GPR55: variants seen among roughly 807,000 people sequenced by gnomAD.
GPR55 encodes the protein G-protein coupled receptor 55.
In GPR55, 6 loss-of-function variants were observed where a neutral mutation model predicts 7.9. The ratio of observed to expected loss-of-function variants is 0.76; its 90% CI spans 0.41 to 1.49. The LOEUF (loss-of-function observed/expected upper bound fraction) is 1.49, where lower values mean the gene tolerates loss of function less well. GPR55 is among the 40% of genes most tolerant of loss of function. The pLI, the probability that GPR55 is intolerant of heterozygous loss-of-function variation, is 0.01. For synonymous variants in GPR55, 183 were observed against 166.8 expected (o/e 1.10, Z -0.75); for missense variants, 376 against 406.0 (o/e 0.93, Z 0.63).
At chr2:230,917,771 T>G (rs1690749036) in intron 1 of GPR55, among the ~76,000 whole-genome samples, 1 of 152,202 alleles carries the variant, frequency 6.6e-6, no homozygotes, top group Non-Finnish European at 1.5e-5. Flanking sequence ...CCTGTGATCA[T>G]GCTACTACCC....
chr2:230,946,125 T>C (rs1691310355), intron 1 of GPR55, among the ~76,000 whole-genome samples: 1 of 152,142 alleles, frequency 6.6e-6, no homozygotes, highest in Non-Finnish European at 1.5e-5. Flanking sequence ...AGACACATAC[T>C]GCATGACCTC....
In GPR55 at chr2:230,944,882, A is replaced by G. The variant is rs1559178770; in HGVS notation, c.-135+15893T>C. On this transcript the variant is annotated intron_variant, in intron 1 of 1. Coordinates refer to the GPR55 transcript ENST00000392039. This position sits in a 1 kb window ranked among gnomAD's most constrained non-coding sequence, Gnocchi z 4.2. ...AAGAATCATTCTTGATGCCCTGCAA[A>G]TACCAGGCGCTGCGCTAGGCCCTGC... is the stretch of plus-strand genomic sequence containing the variant. Among the ~76,000 whole-genome samples the G allele has an allele frequency of 6.6e-6, 1 of 152,186 alleles. No homozygotes were observed. Among genetic ancestry groups the G allele is most frequent in the Non-Finnish European group, 1.5e-5 (1 of 68,038 alleles).
intron 1 of GPR55, among the ~76,000 whole-genome samples, chr2:230,937,513 T>C (rs763113704): frequency 2.2e-5 from 3 of 133,952 alleles, no homozygotes; most frequent in African/African-American, 6.4e-5. Context: ...CCACTTGGTG[T>C]GCTCTTGTGA....
intron 1 of GPR55, among the ~76,000 whole-genome samples, chr2:230,932,563 A>G (rs1270070974): frequency 6.6e-6 from 1 of 152,228 alleles, no homozygotes; most frequent in Non-Finnish European, 1.5e-5. Flanking sequence ...GTGAATGTTT[A>G]TATGATAAAG....
At chr2:230,920,435 C>A (rs1690806725) in intron 1 of GPR55, among the ~76,000 whole-genome samples, 1 of 151,938 alleles carries the variant, frequency 6.6e-6, no homozygotes, top group South Asian at 2.1e-4. Flanking sequence ...AGTGAGACAG[C>A]AATCCCACCC....
At chr2:230,947,355 G>A (rs748216864) in intron 1 of GPR55, among the ~76,000 whole-genome samples, 1 of 152,218 alleles carries the variant, frequency 6.6e-6, no homozygotes, top group Non-Finnish European at 1.5e-5. Flanking sequence ...GCAAGAGCAC[G>A]ATGAAAGAGC....
chr2:230,927,328 G>C (rs1690960515), upstream of GPR55, among the ~76,000 whole-genome samples: 1 of 152,028 alleles, frequency 6.6e-6, no homozygotes, highest in African/African-American at 2.4e-5. Flanking sequence ...TACCTTGGGG[G>C]ATATCCAAGG....
rs967305938 is a variant in GPR55, at chr2:230,924,295, C to T, written c.-135+873G>A. Among the ~76,000 whole-genome samples the T allele has an allele frequency of 6.6e-6, 1 of 152,220 alleles. No individual in the cohort carries two copies. Among genetic ancestry groups the T allele is most frequent in the Admixed American group, 6.5e-5 (1 of 15,294 alleles). ...ACAGCCGCTCAGAACCAAAGGCAAA[C>T]CTTGCCTTCCACAGAGCTGTGGGCG... is the stretch of plus-strand genomic sequence containing the variant. On this transcript the variant is annotated intron_variant, in intron 1 of 1. Transcript: ENST00000650999. This position sits in a 1 kb window ranked among gnomAD's most constrained non-coding sequence, Gnocchi z 4.5.
chr2:230,934,183 C>G (rs1691098689), intron 1 of GPR55, among the ~76,000 whole-genome samples: 1 of 152,186 alleles, frequency 6.6e-6, no homozygotes, highest in South Asian at 2.1e-4. Context: ...TGTTTCTCCA[C>G]CTGCCCCTAC....
chr2:230,958,605 T>C (rs1251110599), intron 1 of GPR55, among the ~76,000 whole-genome samples: 1 of 152,178 alleles, frequency 6.6e-6, no homozygotes, highest in African/African-American at 2.4e-5. Context: ...ACTGTCTACC[T>C]CCATGAGTTC....
At chr2:230,928,394 G>C (rs1251211690), upstream of GPR55, 1 of 152,244 alleles carries the variant, frequency 6.6e-6, no homozygotes, top group African/African-American at 2.4e-5. Context: ...TCCCCACAAA[G>C]CAGCTCTGTC....
At position 230,909,969 on chromosome 2, in the gene GPR55, A is replaced by G; in HGVS notation, c.*34T>C. 1.3e-6 allele frequency: 2 copies of G among 1,587,704 alleles called. No individual in the cohort carries two copies. The highest frequency in any genetic ancestry group is 8.6e-7 in the Non-Finnish European group (1 of 1,166,428). Reference sequence around the variant, plus strand: ...ATATCCGTTACCAGAATTCAGGGCCAGGGCTTTCTTCCCCTGAACAGGATG... The same window carrying G: ...ATATCCGTTACCAGAATTCAGGGCCGGGGCTTTCTTCCCCTGAACAGGATG... On this transcript the variant is annotated 3_prime_UTR_variant, in exon 2 of 2. Transcript: ENST00000650999.
At position 230,910,857 on chromosome 2, in the gene GPR55, G is replaced by A; in HGVS notation, c.106C>T (p.Leu36Phe). Residue 36 changes from leucine (L) to phenylalanine (F), a missense_variant, in exon 2 of 2, where the codon CTC becomes TTC. Physicochemically the swap from Leu to Phe is conservative, Grantham distance 22. Transcript: ENST00000650999. The surrounding 1 kb of genome is among the most constrained non-coding windows in gnomAD (Gnocchi z 5.4). ...CCATGGATGGCCAGCAGGTTGAGGA[G>A]CAGGCCCAGGACGAAGGTGGGGATG... ...VHIPTFVLGLLLNLLAIHGFS... is the reference protein window; with the variant it reads ...VHIPTFVLGLFLNLLAIHGFS... 1.2e-6 allele frequency: 2 copies of A among 1,614,168 alleles called. No individual in the cohort carries two copies. Among genetic ancestry groups the A allele is most frequent in the Non-Finnish European group, 1.7e-6 (2 of 1,180,010 alleles).
chr2:230,952,679 A>G (rs1028581242), intron 1 of GPR55, among the ~76,000 whole-genome samples: 59 of 152,338 alleles, frequency 3.9e-4, no homozygotes, highest in African/African-American at 1.4e-3. Context: ...TTCACATCAC[A>G]GAAACACAAG....
At chr2:230,949,667 T>C (rs1379398262) in intron 1 of GPR55, among the ~76,000 whole-genome samples, 1 of 151,708 alleles carries the variant, frequency 6.6e-6, no homozygotes, top group East Asian at 1.9e-4. Flanking sequence ...AGTATTTCCT[T>C]TTCCACTGTC....
rs746667616 is a variant in GPR55 at position 230,951,369 on chromosome 2, GA to G, written c.-135+9405del. Among the ~76,000 whole-genome samples, 10 of 152,232 alleles carry G rather than the reference GA, an allele frequency of 6.6e-5. No homozygotes were observed. The South Asian group carries it at 1.9e-3, about 28-fold the overall frequency. On this transcript the variant is annotated intron_variant, in intron 1 of 1. Coordinates refer to the GPR55 transcript ENST00000392039. The stretch of plus-strand genomic sequence containing the variant: ...TTGTCGTGGTGGTGTGAGAACAGAG[GA>G]AAAACATGGTTTGGGAGTGTTTCCC...
intron 1 of GPR55, among the ~76,000 whole-genome samples, chr2:230,951,284 C>T (rs1691401100): frequency 6.6e-6 from 1 of 152,116 alleles, no homozygotes; most frequent in African/African-American, 2.4e-5. Context: ...CTGTCCGCGG[C>T]TTAGTGGGAC....
chr2:230,926,069 C>T (rs1690936315), upstream of GPR55, among the ~76,000 whole-genome samples: 1 of 152,170 alleles, frequency 6.6e-6, no homozygotes, highest in Admixed American at 6.5e-5. Flanking sequence ...TGTCGGAGGA[C>T]CAAACACAAG....
rs750293414 is a variant in GPR55 at position 230,910,258 on chromosome 2, G to A, written c.705C>T (p.Phe235=). The A allele has an allele frequency of 3.7e-6, 6 of 1,613,940 alleles. No homozygotes were observed. Among genetic ancestry groups the A allele is most frequent in the Middle Eastern group, 1.6e-4 (1 of 6,084 alleles). The stretch of plus-strand genomic sequence containing the variant: ...GGTGGACTGGGAGGAAGGAGACCAC[G>A]AAGACAGCCAGGCTGGCTGCGATGC... ...IYSIAASLAV[F]VVSFLPVHLG... The change falls in exon 2 of 2, where the codon TTC becomes TTT. Residue 235 remains phenylalanine, a synonymous_variant. Transcript: ENST00000650999. This position sits in a 1 kb window ranked among gnomAD's most constrained non-coding sequence, Gnocchi z 5.4.
Sources: gnomAD v4.1 joint callset for allele counts (sites outside exome capture counted in the v4.1 genomes callset) on GRCh38, gnomAD v4.1.1 for gene constraint, Gnocchi (gnomAD v3.1) non-coding constraint, MANE v1.5 for transcripts, NCBI Gene and HGNC (gene_info 2026-07-23, HGNC 2026-07-21) for gene names.